Variants in PTPRK observed in about 807,000 individuals in gnomAD.
PTPRK encodes protein tyrosine phosphatase receptor type K.
Under a neutral mutation model 178.0 loss-of-function variants are expected in PTPRK, and 75 were observed. That is an observed-to-expected ratio of 0.42 (90% CI 0.35 to 0.51). PTPRK has a LOEUF of 0.51. PTPRK is among the 20% of genes least tolerant of loss of function. The pLI is 0.02. For synonymous variants in PTPRK, 637 were observed against 620.6 expected, an observed-to-expected ratio of 1.03 and a Z score of -0.39; for missense variants, 1,441 against 1,797.8, an observed-to-expected ratio of 0.80 and a Z score of 3.59.
At position 128,259,314 on chromosome 6, in the gene PTPRK, C is replaced by T. The variant is rs75648471; in HGVS notation, c.496-16712G>A. On this transcript the variant is annotated intron_variant, in intron 3 of 29. Coordinates refer to ENST00000368226, the MANE Select transcript of PTPRK (RefSeq NM_002844.4). ...AACACCAGTATGCCACAGCTCAAAA[C>T]CACTAAACTAAGAGTGAGAAATTGT... 6.5e-3 allele frequency among the ~76,000 whole-genome samples: 983 copies of T among 152,184 alleles called. 5 individuals are homozygous for T. The highest frequency in any genetic ancestry group is 0.01 in the Non-Finnish European group (696 of 67,986).
In PTPRK at chr6:128,067,747, C is replaced by T. The variant is rs147857312; in HGVS notation, c.1929G>A (p.Lys643=). ...AGCATTCCATGGCTCCGGCTTCTCT[C>T]TTGGTTCGGTGTGGGTGCAGTTCTT... ...VVEELHPHRT[K]REAGAMECYQ... The change falls in exon 12 of 30, where the codon AAG becomes AAA. Residue 643 remains lysine (K), a synonymous_variant. Transcript: ENST00000368226. The T allele has an allele frequency of 1.2e-6, 2 of 1,612,802 alleles. No homozygotes were observed. Among genetic ancestry groups the T allele is most frequent in the Non-Finnish European group, 8.5e-7 (1 of 1,179,238 alleles).
rs371247133 is a variant in PTPRK at position 127,996,717 on chromosome 6, T to C, written c.2767+184A>G. ...ACCTCCTGACCTCAGGTGATCCACC[T>C]GCCTTGGCCTCCCAAAGTGCTGGGA... On this transcript the variant is annotated intron_variant, in intron 17 of 29. Transcript: ENST00000368226. Among the ~76,000 whole-genome samples, 5 of 152,150 alleles carry C rather than the reference T, an allele frequency of 3.3e-5. No homozygotes were observed. In the East Asian group the frequency reaches 5.8e-4, roughly 18 times the overall value.
At chr6:128,368,403 G>A (rs1363623436) in intron 2 of PTPRK, among the ~76,000 whole-genome samples, 1 of 150,570 alleles carries the variant, frequency 6.6e-6, no homozygotes, top group East Asian at 1.9e-4. Flanking sequence ...AAAAAAAAAC[G>A]TCAAAGTGCA....
At chr6:128,040,921 G>A (rs1777056902) in intron 13 of PTPRK, among the ~76,000 whole-genome samples, 1 of 152,066 alleles carries the variant, frequency 6.6e-6, no homozygotes, top group South Asian at 2.1e-4. Context: ...AAGCTCAGTT[G>A]AGATCTGTGT....
At chr6:128,415,710 G>A (rs975575741) in intron 1 of PTPRK, among the ~76,000 whole-genome samples, 3 of 152,006 alleles carry the variant, frequency 2.0e-5, no homozygotes, top group Non-Finnish European at 4.4e-5. Flanking sequence ...TCCAACCAGC[G>A]TTATGATTAC....
chr6:127,992,565 G>T, intron 19 of PTPRK, 108 bp downstream of exon 19: 2 of 837,772 alleles, frequency 2.4e-6, no homozygotes, highest in Non-Finnish European at 3.8e-6. Flanking sequence ...AATCAGAAGG[G>T]CTGATTTTTT....
At chr6:128,239,075 T>G (rs1006647915) in intron 5 of PTPRK, among the ~76,000 whole-genome samples, 4 of 145,962 alleles carry the variant, frequency 2.7e-5, no homozygotes, top group African/African-American at 1.1e-4. Flanking sequence ...CTAAAGGATG[T>G]AGTAAAAAAA....
chr6:128,510,296 T>C (rs1277625713), intron 1 of PTPRK, among the ~76,000 whole-genome samples: 1 of 152,136 alleles, frequency 6.6e-6, no homozygotes, highest in Non-Finnish European at 1.5e-5. Flanking sequence ...AGCACTAACA[T>C]GTGATTAAGA....
chr6:128,313,403 C>T (rs573920995), intron 3 of PTPRK, among the ~76,000 whole-genome samples: 2 of 152,118 alleles, frequency 1.3e-5, no homozygotes, highest in Non-Finnish European at 2.9e-5. Flanking sequence ...ATACATATAA[C>T]AAGCAAAATG....
rs1052490617 is a variant in PTPRK, at chr6:128,488,795, T to C, written c.100+31464A>G. 4.6e-5 allele frequency among the ~76,000 whole-genome samples: 7 copies of C among 152,290 alleles called. No individual in the cohort carries two copies. The East Asian group carries it at 1.4e-3, about 29-fold the overall frequency. ...TTGCAATAAATAAATTTAAATGTCA[T>C]TTAATTCTTTGAAATCTAAAGGGAA... On this transcript the variant is annotated intron_variant, in intron 1 of 29. Transcript: ENST00000368226.
intron 10 of PTPRK, among the ~76,000 whole-genome samples, chr6:128,081,523 CAT>C (rs927573732): frequency 9.2e-5 from 14 of 151,698 alleles, no homozygotes; most frequent in African/African-American, 3.4e-4. Flanking sequence ...AAATGAAAGA[CAT>C]ATTTTATGGG....
Position 128,266,371 on chromosome 6 carries a change from G to C in PTPRK, c.496-23769C>G, listed in dbSNP as rs570224467. Among the ~76,000 whole-genome samples, 32 of 152,246 alleles carry C rather than the reference G, an allele frequency of 2.1e-4. No individual in the cohort carries two copies. In the South Asian group the frequency reaches 6.6e-3, roughly 32 times the overall value. ...CCCTTCACTTTCCAGTGGTCTGGCAGTGACTGGGGACCCAGACAGATGGGT... is the reference window on the plus strand; with the variant it reads ...CCCTTCACTTTCCAGTGGTCTGGCACTGACTGGGGACCCAGACAGATGGGT... On this transcript the variant is annotated intron_variant, in intron 3 of 29. Transcript: ENST00000368226.
intron 13 of PTPRK, among the ~76,000 whole-genome samples, chr6:128,033,091 T>G (rs948853129): frequency 2.0e-5 from 3 of 152,174 alleles, no homozygotes; most frequent in African/African-American, 7.2e-5. Flanking sequence ...TAGGGATAGA[T>G]GTAGGAAATC....
chr6:128,506,659 C>CAAAAA (rs60473661), intron 1 of PTPRK, among the ~76,000 whole-genome samples: 7 of 53,082 alleles, frequency 1.3e-4, no homozygotes, highest in Non-Finnish European at 2.0e-4. Flanking sequence ...AACTCTGTCT[C>CAAAAA]AAAAAAAAAA....
rs1309138913 is a variant in PTPRK at position 127,998,875 on chromosome 6, T to A, written c.2524A>T (p.Ser842Cys). The change falls in exon 16 of 30, where the codon AGT (serine) becomes TGT (cysteine). Residue 842 changes from serine to cysteine, a missense_variant. This residue lies in a region of PTPRK where 945 missense variants were observed against 1,080.6 expected (regional missense o/e 0.87). Transcript: ENST00000368226. ...YENHSATAES[S>C]RLLDVPRYLC... ...TAGCGAGGTACGTCTAGAAGGCGACTGGACTCTGCTGTAGCACTGTGGTTC... is the reference window on the plus strand; with the variant it reads ...TAGCGAGGTACGTCTAGAAGGCGACAGGACTCTGCTGTAGCACTGTGGTTC... 21 of 1,581,596 alleles carry A rather than the reference T, an allele frequency of 1.3e-5. No individual in the cohort carries two copies. The highest frequency in any genetic ancestry group is 1.7e-5 in the Non-Finnish European group (20 of 1,161,300).
At chr6:128,021,528 C>G (rs988719981) in intron 13 of PTPRK, among the ~76,000 whole-genome samples, 1 of 151,946 alleles carries the variant, frequency 6.6e-6, no homozygotes, top group Non-Finnish European at 1.5e-5. Flanking sequence ...CCCAGCTACT[C>G]GGGAGGGAGG....
intron 3 of PTPRK, among the ~76,000 whole-genome samples, chr6:128,293,722 G>T (rs1036786244): frequency 1.1e-4 from 17 of 152,004 alleles, no homozygotes; most frequent in African/African-American, 4.1e-4. Flanking sequence ...ACTTTTCCAG[G>T]AATTATCTGA....
intron 1 of PTPRK, among the ~76,000 whole-genome samples, chr6:128,434,921 G>A (rs1845312449): frequency 6.6e-6 from 1 of 152,126 alleles, no homozygotes. Context: ...CCACTCAGGA[G>A]GCTGAGGTAG....
intron 13 of PTPRK, among the ~76,000 whole-genome samples, chr6:128,047,700 C>A (rs1454222498): frequency 2.0e-5 from 3 of 152,044 alleles, no homozygotes; most frequent in African/African-American, 4.8e-5. Flanking sequence ...TTGTGAAATA[C>A]CTGAACCTTT....
Sources: gnomAD v4.1 joint callset for allele counts (sites outside exome capture counted in the v4.1 genomes callset) on GRCh38, gnomAD v4.1.1 for gene constraint, gnomAD v4.1.1 regional missense constraint, MANE v1.5 for transcripts, NCBI Gene and HGNC (gene_info 2026-07-23, HGNC 2026-07-21) for gene names.